Variants in DHRSX observed in about 807,000 individuals in gnomAD.
DHRSX encodes the protein polyprenol dehydrogenase.
A neutral mutation model predicts 34.0 loss-of-function variants in DHRSX; 31 were observed. The ratio of observed to expected loss-of-function variants is 0.91; its 90% CI spans 0.69 to 1.23. The LOEUF (loss-of-function observed/expected upper bound fraction) is 1.23, where lower values mean the gene tolerates loss of function less well. Ranked by LOEUF, DHRSX falls within the 50% of genes most tolerant of loss-of-function variation. The pLI, the probability that DHRSX is intolerant of heterozygous loss-of-function variation, is 0.00. For missense variants in DHRSX, 414 were observed against 428.1 expected (o/e 0.97, Z 0.29); for synonymous variants, 201 against 183.8 (o/e 1.09, Z -0.76).
intron 1 of DHRSX, among the ~76,000 whole-genome samples, chrX:2,483,022 A>G (rs1027170112): frequency 6.6e-5 from 10 of 152,024 alleles, no homozygotes; most frequent in Non-Finnish European, 1.3e-4. Flanking sequence ...CACGTAAATT[A>G]GGGCACAAAG....
intron 1 of DHRSX, among the ~76,000 whole-genome samples, chrX:2,492,969 C>A (rs1272702633): frequency 6.6e-6 from 1 of 152,232 alleles, no homozygotes; most frequent in Non-Finnish European, 1.5e-5. Context: ...TCGCGGCCTG[C>A]GTTGCTGGCT....
intron 3 of DHRSX, among the ~76,000 whole-genome samples, chrX:2,306,988 C>T (rs35136933): frequency 0.35 from 50,634 of 145,984 alleles, 10,169 homozygotes; most frequent in Middle Eastern, 0.49. Flanking sequence ...CATAACTTGT[C>T]ATGAAATGAG....
At chrX:2,344,796 T>C (rs1290087733) in intron 3 of DHRSX, among the ~76,000 whole-genome samples, 1 of 148,436 alleles carries the variant, frequency 6.7e-6, no homozygotes, top group Non-Finnish European at 1.5e-5. Context: ...CAACCCACCA[T>C]GGCACATGTA....
chrX:2,303,565 T>G (rs1356824283), intron 3 of DHRSX, among the ~76,000 whole-genome samples: 1 of 152,130 alleles, frequency 6.6e-6, no homozygotes, highest in East Asian at 1.9e-4. Flanking sequence ...CTGCTTCCTG[T>G]ACAGCTTGCA....
intron 3 of DHRSX, among the ~76,000 whole-genome samples, chrX:2,404,226 G>A (rs1354590808): frequency 2.6e-5 from 4 of 151,686 alleles, no homozygotes; most frequent in African/African-American, 7.3e-5. Context: ...CAGAGGCCCC[G>A]ATTCACAGAT....
rs778189068 is a variant in DHRSX, at chrX:2,243,066, G to A, written c.761C>T (p.Ala254Val). Residue 254 changes from alanine (A) to valine (V), a missense_variant, in exon 6 of 7, where the codon GCC becomes GTC. Coordinates refer to ENST00000334651, the MANE Select transcript of DHRSX (RefSeq NM_145177.3). ...NTDVYKHVFW[A>V]TRLAKKLLGW... ...GAGAAGCTTCTTCGCCAGACGGGTG[G>A]CCCAGAACACGTGCTTGTAGACGTC... 4 of 1,613,712 alleles carry A rather than the reference G, an allele frequency of 2.5e-6. No homozygotes were observed. Among genetic ancestry groups the A allele is most frequent in the Non-Finnish European group, 3.4e-6 (4 of 1,179,820 alleles).
chrX:2,335,450 G>GGTGTGTGTGTGT (rs111917194), intron 3 of DHRSX, among the ~76,000 whole-genome samples: 2 of 149,400 alleles, frequency 1.3e-5, no homozygotes, highest in African/African-American at 4.9e-5. Flanking sequence ...ATTTTTTTGG[G>GGTGTGTGTGTGT]GTGTGTGTGT....
chrX:2,500,893 C>A lies in DHRSX; in HGVS notation c.33G>T (p.Leu11=). The A allele has an allele frequency of 1.8e-6, 2 of 1,135,528 alleles. No individual in the cohort carries two copies. The highest frequency in any genetic ancestry group is 3.2e-5 in the South Asian group (1 of 31,130). The allele number at this position is 1,135,528 out of a possible 1,614,324, so 70.3% of individuals were successfully genotyped here. A position where few individuals can be genotyped will look rare whatever the true frequency, so the allele number is the denominator to read the frequency against. Residue 11 remains leucine (L), a synonymous_variant, in exon 1 of 7, where the codon CTG becomes CTT. Coordinates refer to ENST00000334651, the MANE Select transcript of DHRSX (RefSeq NM_145177.3). ...CCGCGGCGCCTACCGCGTAGACCCG[C>A]AGGGCCGCCCGCGCCGCAGACAATG... MSPLSAARAA[L]RVYAVGAAVI... is the part of the protein sequence containing the mutation.
chrX:2,244,881 T>C (rs2016241426), intron 5 of DHRSX, among the ~76,000 whole-genome samples: 1 of 151,836 alleles, frequency 6.6e-6, no homozygotes, highest in Non-Finnish European at 1.5e-5. Context: ...TGGCTAATTT[T>C]TTGTATTTTT....
chrX:2,484,718 G>A (rs1185145352), intron 1 of DHRSX, among the ~76,000 whole-genome samples: 1 of 152,066 alleles, frequency 6.6e-6, no homozygotes, highest in Non-Finnish European at 1.5e-5. Flanking sequence ...ACTGGGAAAG[G>A]ACGGGGCGGC....
At chrX:2,400,164 G>A (rs1184269309) in intron 3 of DHRSX, among the ~76,000 whole-genome samples, 2 of 152,206 alleles carry the variant, frequency 1.3e-5, no homozygotes, top group Admixed American at 1.3e-4. Context: ...CACATAAAGT[G>A]CTGTGATTCC....
intron 3 of DHRSX, among the ~76,000 whole-genome samples, chrX:2,306,463 CTTTT>C (rs537318296): frequency 1.4e-5 from 2 of 140,008 alleles, no homozygotes; most frequent in Non-Finnish European, 1.5e-5. Flanking sequence ...GATCAATTAT[CTTTT>C]TTTTTTTTTT....
chrX:2,408,714 A>C (rs1481900735), intron 3 of DHRSX, 31 bp downstream of exon 3: 6 of 1,555,134 alleles, frequency 3.9e-6, no homozygotes, highest in South Asian at 1.2e-5. Flanking sequence ...AAAAAAAAAC[A>C]AAAAAAAGCC....
At chrX:2,346,921 T>C (rs977377987) in intron 3 of DHRSX, among the ~76,000 whole-genome samples, 3 of 152,146 alleles carry the variant, frequency 2.0e-5, no homozygotes, top group African/African-American at 7.2e-5. Context: ...GTCCTTGTGA[T>C]AGTTTGCTGA....
Position 2,474,901 on chromosome X carries a change from G to A in DHRSX, c.109+25916C>T, listed in dbSNP as rs971366098. On this transcript the variant is annotated intron_variant, in intron 1 of 6. Transcript: ENST00000334651. ...TCCCTAAGAATGCGGCCAAGGGACCGCCACCATGTACACACTGAAGACGTT... is the reference window on the plus strand; with the variant it reads ...TCCCTAAGAATGCGGCCAAGGGACCACCACCATGTACACACTGAAGACGTT... 5.3e-5 allele frequency among the ~76,000 whole-genome samples: 8 copies of A among 150,316 alleles called. No homozygotes were observed. In the South Asian group the frequency reaches 8.5e-4, roughly 16 times the overall value.
chrX:2,347,570 T>C (rs893205409), intron 3 of DHRSX, among the ~76,000 whole-genome samples: 1 of 152,180 alleles, frequency 6.6e-6, no homozygotes, highest in Non-Finnish European at 1.5e-5. Flanking sequence ...GGCGGGCACC[T>C]GTAATCCCAG....
intron 3 of DHRSX, among the ~76,000 whole-genome samples, chrX:2,341,978 G>A (rs1231953249): frequency 2.6e-5 from 4 of 151,952 alleles, no homozygotes; most frequent in African/African-American, 9.7e-5. Context: ...CTAATTTTTT[G>A]TATTTTTAGT....
At chrX:2,392,060 A>C (rs753470828) in intron 3 of DHRSX, among the ~76,000 whole-genome samples, 208 of 152,324 alleles carry the variant, frequency 1.4e-3, no homozygotes, top group Admixed American at 3.3e-3. Flanking sequence ...GTGAGGAAGG[A>C]GGAGGGAAAA....
chrX:2,421,624 G>A (rs2043781269), intron 2 of DHRSX, among the ~76,000 whole-genome samples: 1 of 152,142 alleles, frequency 6.6e-6, no homozygotes, highest in Non-Finnish European at 1.5e-5. Context: ...CATCAGCAAG[G>A]TTAGCATTTT....
Sources: gnomAD v4.1 joint callset for allele counts (sites outside exome capture counted in the v4.1 genomes callset) on GRCh38, gnomAD v4.1.1 for gene constraint, MANE v1.5 for transcripts, NCBI Gene and HGNC (gene_info 2026-07-23, HGNC 2026-07-21) for gene names.